KIR3DL3: variants seen among roughly 807,000 people sequenced by gnomAD.
KIR3DL3 encodes killer cell immunoglobulin like receptor, three Ig domains and long cytoplasmic tail 3.
Under a neutral mutation model 34.9 loss-of-function variants are expected in KIR3DL3, and 27 were observed. The observed-to-expected ratio is 0.77, with a 90% CI of 0.57 to 1.07. KIR3DL3 has a LOEUF of 1.07. Among genes scored for constraint, KIR3DL3 ranks in the 50% least tolerant of loss-of-function variants. The probability of loss-of-function intolerance (pLI) is 0.00; values close to 1 mark genes in which losing one functional copy is unlikely to be tolerated. For missense variants in KIR3DL3, 681 were observed against 528.5 expected (o/e 1.29, Z -2.83); for synonymous variants, 217 against 200.2 (o/e 1.08, Z -0.71).
intron 5 of KIR3DL3, among the ~76,000 whole-genome samples, chr19:54,732,480 C>T (rs1259424517): frequency 2.0e-5 from 3 of 152,004 alleles, no homozygotes; most frequent in Non-Finnish European, 4.4e-5. Context: ...CTGTCTCAAA[C>T]TCCCAATCTC....
At position 54,725,297 on chromosome 19, in the gene KIR3DL3, C is replaced by A. The variant is rs768406714; in HGVS notation, c.70+15C>A. ...GCCACATGTGGGTGAGTCCTTCCCC[C>A]AAACCTTAGGTTGTCATCTCCCCAC... On this transcript the variant is annotated intron_variant, in intron 2 of 7. Coordinates refer to ENST00000291860, the MANE Select transcript of KIR3DL3 (RefSeq NM_153443.5). 4.5e-6 allele frequency: 7 copies of A among 1,562,106 alleles called. No individual in the cohort carries two copies. Among genetic ancestry groups the A allele is most frequent in the Non-Finnish European group, 4.3e-6 (5 of 1,152,932 alleles).
In KIR3DL3 at chr19:54,725,247, G is replaced by C; in HGVS notation, c.35G>C (p.Gly12Ala). The change falls in exon 2 of 8, where the codon GGG becomes GCG. Residue 12 changes from glycine (G) to alanine (A), a missense_variant and splice_region_variant. Transcript: ENST00000291860. ...CATCCATCATGATCTTTCTTTCCAGGGTTCTTCTTGCTGGAGGGGCCCTGG... is the reference window on the plus strand; with the variant it reads ...CATCCATCATGATCTTTCTTTCCAGCGTTCTTCTTGCTGGAGGGGCCCTGG... ...SLMVVSMACV[G>A]FFLLEGPWPH... The C allele has an allele frequency of 1.3e-6, 2 of 1,597,032 alleles. No homozygotes were observed. The highest frequency in any genetic ancestry group is 1.7e-6 in the Non-Finnish European group (2 of 1,170,816).
At chr19:54,724,561 G>C in intron 1 of KIR3DL3, 31 bp downstream of exon 1, 1 of 1,611,334 alleles carries the variant, frequency 6.2e-7, no homozygotes, top group African/African-American at 1.3e-5. Context: ...GAGGGAGGGA[G>C]CGCTGGGGTG....
chr19:54,730,987 A>G (rs1354351218), intron 5 of KIR3DL3, among the ~76,000 whole-genome samples: 16 of 151,692 alleles, frequency 1.1e-4, no homozygotes, highest in African/African-American at 3.9e-4. Context: ...GTCTTTTTAC[A>G]TTTTGTTTTA....
At chr19:54,734,682 A>G (rs1365855169) in intron 5 of KIR3DL3, among the ~76,000 whole-genome samples, 3 of 146,604 alleles carry the variant, frequency 2.0e-5, no homozygotes, top group Admixed American at 6.9e-5. Flanking sequence ...ACTTCTAAAG[A>G]CAAGAAATGT....
chr19:54,731,265 C>G (rs2068760794), intron 5 of KIR3DL3, among the ~76,000 whole-genome samples: 1 of 152,094 alleles, frequency 6.6e-6, no homozygotes, highest in African/African-American at 2.4e-5. Flanking sequence ...CTCGGCCTCC[C>G]AATGTGCTGG....
At chr19:54,728,040 T>A (rs2068395633) in intron 4 of KIR3DL3, 130 bp downstream of exon 4, 2 of 914,830 alleles carry the variant, frequency 2.2e-6, no homozygotes, top group Non-Finnish European at 3.4e-6. Context: ...CTTGGTGAGG[T>A]CTGTACCAAC....
At chr19:54,725,219 G>A (rs1245711320) in intron 1 of KIR3DL3, 28 bp from the exon 2 acceptor site, 1 of 1,584,862 alleles carries the variant, frequency 6.3e-7, no homozygotes, top group African/African-American at 1.4e-5. Context: ...TGTACAGATG[G>A]ATCATCCATC....
chr19:54,724,762 TG>T (rs1276839435), intron 1 of KIR3DL3, among the ~76,000 whole-genome samples: 4 of 108,036 alleles, frequency 3.7e-5, no homozygotes, highest in African/African-American at 1.5e-4. Context: ...GGCCTGGAAC[TG>T]TAGATATGGG....
Position 54,727,771 on chromosome 19 carries a change from C to G in KIR3DL3, c.516C>G (p.His172Gln). Reference sequence around the variant, plus strand: ...CCTTGCGCCTCGTTGGACAGCTCCACGATGCGGGTTCCCAGGTCAACTATT... The same window carrying G: ...CCTTGCGCCTCGTTGGACAGCTCCAGGATGCGGGTTCCCAGGTCAACTATT... ...EDPLRLVGQL[H>Q]DAGSQVNYSM... Residue 172 changes from histidine to glutamine, a missense_variant, in exon 4 of 8, where the codon CAC becomes CAG. Physicochemically the swap from His to Gln is conservative, Grantham distance 24. Transcript: ENST00000291860. 1 of 1,613,482 alleles carries G rather than the reference C, an allele frequency of 6.2e-7. No individual in the cohort carries two copies. Among genetic ancestry groups the G allele is most frequent in the Non-Finnish European group, 8.5e-7 (1 of 1,179,848 alleles).
chr19:54,732,417 AT>A (rs1308531448), intron 5 of KIR3DL3, among the ~76,000 whole-genome samples: 1 of 69,732 alleles, frequency 1.4e-5, no homozygotes, highest in Non-Finnish European at 2.6e-5. Context: ...CACTCGGCTA[AT>A]TTTTTTGGTA....
chr19:54,730,681 T>G lies in KIR3DL3; in HGVS notation c.949+895T>G, dbSNP rs1180483147. ...ACTCTCTACCTTTGTGAGATCCACCTTTTAGCTCCTGCATATGAGTGAGAA... is the reference window on the plus strand; with the variant it reads ...ACTCTCTACCTTTGTGAGATCCACCGTTTAGCTCCTGCATATGAGTGAGAA... On this transcript the variant is annotated intron_variant, in intron 5 of 7. Transcript: ENST00000291860. Among the ~76,000 whole-genome samples the G allele has an allele frequency of 4.3e-3, 662 of 152,304 alleles. 6 individuals carry two copies. Among genetic ancestry groups the G allele is most frequent in the African/African-American group, 0.015 (644 of 41,568 alleles).
At chr19:54,729,952 C>T (rs2068630568) in intron 5 of KIR3DL3, among the ~76,000 whole-genome samples, 166 bp downstream of exon 5, 2 of 148,486 alleles carry the variant, frequency 1.3e-5, no homozygotes, top group African/African-American at 4.9e-5. Flanking sequence ...CACCTCCAAA[C>T]CCTCCTGTAT....
chr19:54,728,674 C>T (rs2068462548), intron 4 of KIR3DL3, among the ~76,000 whole-genome samples: 1 of 151,576 alleles, frequency 6.6e-6, no homozygotes, highest in African/African-American at 2.4e-5. Context: ...AGAAGTGGAG[C>T]GTATGATGGA....
rs1226544088 is a variant in KIR3DL3 at position 54,727,738 on chromosome 19, T to G, written c.483T>G (p.Thr161=). 2 of 1,612,938 alleles carry G rather than the reference T, an allele frequency of 1.2e-6. No individual in the cohort carries two copies. Among genetic ancestry groups the G allele is most frequent in the African/African-American group, 2.7e-5 (2 of 74,702 alleles). ...ERFLLHREGI[T]EDPLRLVGQL... is the part of the protein sequence containing the mutation. Reference sequence around the variant, plus strand: ...TCCTTCTGCACAGAGAGGGGATCACTGAGGACCCCTTGCGCCTCGTTGGAC... The same window carrying G: ...TCCTTCTGCACAGAGAGGGGATCACGGAGGACCCCTTGCGCCTCGTTGGAC... Residue 161 remains threonine, a synonymous_variant, in exon 4 of 8, where the codon ACT becomes ACG. Transcript: ENST00000291860.
At position 54,729,535 on chromosome 19, in the gene KIR3DL3, C is replaced by T. The variant is rs1410881018; in HGVS notation, c.698C>T (p.Thr233Met). The change falls in exon 5 of 8, where the codon ACG (threonine) becomes ATG (methionine). Residue 233 changes from threonine to methionine, a missense_variant. By Grantham distance (81) the Thr-to-Met change is moderately conservative. Coordinates refer to ENST00000291860, the MANE Select transcript of KIR3DL3 (RefSeq NM_153443.5). ...KPSLSAQPGP[T>M]VQAGENVTLS... ...TCTCTCTCAGCCCAGCCGGGCCCCACGGTTCAGGCAGGAGAGAATGTGACC... is the reference window on the plus strand; with the variant it reads ...TCTCTCTCAGCCCAGCCGGGCCCCATGGTTCAGGCAGGAGAGAATGTGACC... 5 of 1,606,126 alleles carry T rather than the reference C, an allele frequency of 3.1e-6. No homozygotes were observed. The African/African-American group carries it at 5.4e-5, about 17-fold the overall frequency.
chr19:54,735,509 C>T (rs1436959770), intron 6 of KIR3DL3, 152 bp downstream of exon 6: 12 of 597,802 alleles, frequency 2.0e-5, no homozygotes, highest in African/African-American at 6.4e-5. Flanking sequence ...CACCAGACTC[C>T]CTGCCTCTGC....
chr19:54,735,912 C>A (rs368118194), intron 7 of KIR3DL3, 40 bp downstream of exon 7: 1 of 1,605,578 alleles, frequency 6.2e-7, no homozygotes, highest in Non-Finnish European at 8.5e-7. Flanking sequence ...TAGTCTTATT[C>A]CCAAAGAGTC....
intron 4 of KIR3DL3, 103 bp from the exon 5 acceptor site, chr19:54,729,390 G>T: frequency 8.2e-7 from 1 of 1,214,716 alleles, no homozygotes; most frequent in South Asian, 1.6e-5. Flanking sequence ...GAGAGAAAGA[G>T]AGCATTAAGT....
Sources: allele counts gnomAD v4.1 joint callset (sites outside exome capture counted in the v4.1 genomes callset), GRCh38; gene constraint gnomAD v4.1.1; transcripts MANE v1.5; gene names NCBI Gene and HGNC (gene_info 2026-07-23, HGNC 2026-07-21).